The following SI variants were observed in gnomAD, a reference collection of about 807,000 sequenced individuals.
SI encodes sucrase-isomaltase, intestinal.
Under a neutral mutation model 253.3 loss-of-function variants are expected in SI, and 235 were observed. The ratio of observed to expected loss-of-function variants is 0.93; its 90% CI spans 0.83 to 1.03. SI has a LOEUF of 1.03. Ranked by LOEUF, SI falls within the 50% of genes least tolerant of loss-of-function variation. The pLI is 0.00. For synonymous variants in SI, 819 were observed against 712.0 expected (o/e 1.15, Z -2.39); for missense variants, 2,442 against 2,211.1 (o/e 1.10, Z -2.09).
chr3:164,987,336 G>T, intron 44 of SI, 110 bp from the exon 45 acceptor site: 1 of 844,854 alleles, frequency 1.2e-6, no homozygotes, highest in Non-Finnish European at 2.0e-6. Context: ...TAAGGAGTGT[G>T]CAAACTGACT....
intron 43 of SI, 152 bp from the exon 44 acceptor site, chr3:164,991,629 T>C (rs968927732): frequency 8.7e-6 from 7 of 800,692 alleles, no homozygotes; most frequent in South Asian, 6.6e-5. Context: ...TTTGTTTCAC[T>C]ATAGTAACCA....
chr3:165,075,182 C>T (rs1312327897), intron 2 of SI, among the ~76,000 whole-genome samples: 7 of 151,836 alleles, frequency 4.6e-5, no homozygotes, highest in African/African-American at 1.7e-4. Flanking sequence ...AACATTCCAG[C>T]AATGAGATAT....
chr3:165,086,660 C>A, the SI span, among the ~76,000 whole-genome samples: 1 of 152,162 alleles, frequency 6.6e-6, no homozygotes, highest in Non-Finnish European at 1.5e-5. Flanking sequence ...TCCTTGAACC[C>A]ATTTGGCAGT....
At position 165,017,760 on chromosome 3, in the gene SI, C is replaced by T; in HGVS notation, c.3633+1G>A. On this transcript the variant is annotated splice_donor_variant, in intron 30 of 47. Transcript: ENST00000264382. LOFTEE classifies it high-confidence loss of function. ...TTTTTAAAAGAAATATGCAATCATA[C>T]TTCATGGTATTGCTTTGTTGCAACT... The T allele has an allele frequency of 1.9e-6, 3 of 1,608,260 alleles. No individual in the cohort carries two copies. The highest frequency in any genetic ancestry group is 2.6e-6 in the Non-Finnish European group (3 of 1,175,410).
At chr3:165,032,191 CGTGCA>C (rs1474349960) in intron 24 of SI, among the ~76,000 whole-genome samples, 1 of 150,982 alleles carries the variant, frequency 6.6e-6, no homozygotes, top group East Asian at 1.9e-4. Context: ...TTTTCTTTTG[CGTGCA>C]ATAGGTAGGT....
In SI at chr3:165,016,006, A is replaced by G; in HGVS notation, c.3834T>C (p.Leu1278=). 1 of 1,611,702 alleles carries G rather than the reference A, an allele frequency of 6.2e-7. No homozygotes were observed. Among genetic ancestry groups the G allele is most frequent in the Non-Finnish European group, 8.5e-7 (1 of 1,177,970 alleles). The part of the protein sequence containing the change: ...DFTIGEAFQD[L]PQFVDKIRGE... ...CTCTTATTTTGTCAACAAACTGAGG[A>G]AGGTCCTGGAATGCTTCACCAATTG... Residue 1278 remains leucine, a synonymous_variant, in exon 32 of 48, where the codon CTT becomes CTC. Coordinates refer to ENST00000264382, the MANE Select transcript of SI (RefSeq NM_001041.4).
At chr3:165,010,738 T>C (rs1235753914) in intron 34 of SI, among the ~76,000 whole-genome samples, 12 of 152,146 alleles carry the variant, frequency 7.9e-5, no homozygotes. Flanking sequence ...ATCCAGAAAA[T>C]CAATCAGGTA....
chr3:164,984,934 T>C (rs1717366052), intron 45 of SI, among the ~76,000 whole-genome samples: 2 of 152,172 alleles, frequency 1.3e-5, no homozygotes, highest in Admixed American at 6.6e-5. Context: ...GTTTTCGCTG[T>C]TAACTCAGGA....
chr3:165,064,278 T>C (rs1001535347), intron 7 of SI, among the ~76,000 whole-genome samples: 7 of 151,876 alleles, frequency 4.6e-5, no homozygotes, highest in Non-Finnish European at 1.0e-4. Context: ...GGAAATACAC[T>C]GATATGATGA....
intron 13 of SI, among the ~76,000 whole-genome samples, chr3:165,050,522 T>C (rs550009305): frequency 2.0e-5 from 3 of 152,210 alleles, no homozygotes; most frequent in Non-Finnish European, 4.4e-5. Context: ...TAGGCCCCAA[T>C]CTTGTCCCAC....
In SI at chr3:165,049,179, G is replaced by C. The variant is rs1576909192; in HGVS notation, c.1663C>G (p.Gln555Glu). The C allele has an allele frequency of 1.2e-6, 2 of 1,612,454 alleles. No individual in the cohort carries two copies. Among genetic ancestry groups the C allele is most frequent in the Non-Finnish European group, 1.7e-6 (2 of 1,178,774 alleles). ...CCATAGAGGCTATGAACATCATACTGTTTACCCCAGTTCTGCACAGCATCC... is the reference window on the plus strand; with the variant it reads ...CCATAGAGGCTATGAACATCATACTCTTTACCCCAGTTCTGCACAGCATCC... ...CMDAVQNWGK[Q>E]YDVHSLYGYS... is the part of the protein sequence containing the mutation. The change falls in exon 15 of 48, where the codon CAG (glutamine) becomes GAG (glutamate). Residue 555 changes from glutamine (Q) to glutamate (E), a missense_variant. Gln to Glu is a conservative substitution (Grantham distance 29). Transcript: ENST00000264382.
intron 9 of SI, among the ~76,000 whole-genome samples, chr3:165,061,617 T>C (rs1713988971): frequency 6.6e-6 from 1 of 151,998 alleles, no homozygotes; most frequent in African/African-American, 2.4e-5. Context: ...AAAATAATAT[T>C]TTTAAAATAG....
rs752077554 is a variant in SI, at chr3:165,041,112, A to G, written c.2005-18T>C. The stretch of plus-strand genomic sequence containing the variant: ...TCCTGATGCTGTGAGATAGAAAGAG[A>G]AATTAAAATAAGAAAGCTAAAGTAT... On this transcript the variant is annotated intron_variant, in intron 17 of 47. Transcript: ENST00000264382. 6.2e-7 allele frequency: 1 copy of G among 1,610,772 alleles called. No homozygotes were observed. Among genetic ancestry groups the G allele is most frequent in the Non-Finnish European group, 8.5e-7 (1 of 1,177,660 alleles).
At chr3:165,007,840 G>T (rs572593952) in intron 36 of SI, 71 bp downstream of exon 36, 4 of 571,386 alleles carry the variant, frequency 7.0e-6, no homozygotes, top group Non-Finnish European at 1.2e-5. Flanking sequence ...ATATATATCA[G>T]TTTATATTAT....
the SI span, among the ~76,000 whole-genome samples, chr3:165,087,636 C>T: frequency 6.6e-6 from 1 of 152,098 alleles, no homozygotes; most frequent in Admixed American, 6.6e-5. Context: ...CAACAAAGGC[C>T]TAGCAAAGGC....
chr3:165,046,275 G>A (rs146081738), intron 16 of SI, among the ~76,000 whole-genome samples: 97 of 152,150 alleles, frequency 6.4e-4, no homozygotes, highest in African/African-American at 2.3e-3. Flanking sequence ...TTGTTATGTA[G>A]TGTCTCTCTT....
chr3:165,020,390 G>T (rs75952886), intron 27 of SI, among the ~76,000 whole-genome samples: 1,765 of 151,698 alleles, frequency 0.012, 16 homozygotes, highest in Non-Finnish European at 0.019. Flanking sequence ...GAGAGGAAGC[G>T]TAAGTATTAC....
In SI at chr3:164,992,388, A is replaced by T; in HGVS notation, c.4851T>A (p.Asp1617Glu). 6.2e-7 allele frequency: 1 copy of T among 1,608,898 alleles called. No individual in the cohort carries two copies. The highest frequency in any genetic ancestry group is 8.5e-7 in the Non-Finnish European group (1 of 1,176,964). Residue 1617 changes from aspartate to glutamate, a missense_variant, in exon 42 of 48, where the codon GAT becomes GAA. Coordinates refer to ENST00000264382, the MANE Select transcript of SI (RefSeq NM_001041.4). ...VIRPLLHEFF[D>E]EKPTWDIFKQ... ...TGAATATATCCCAGGTTGGTTTTTC[A>T]TCAAAGAACCTCGACAAAATTATCA... is the stretch of plus-strand genomic sequence containing the variant.
chr3:165,005,637 A>C (rs1371430034), intron 37 of SI, among the ~76,000 whole-genome samples: 6 of 152,324 alleles, frequency 3.9e-5, no homozygotes, highest in Admixed American at 1.3e-4. Flanking sequence ...TACTACTTAA[A>C]ATTAAATAAC....
Sources: allele counts gnomAD v4.1 joint callset (sites outside exome capture counted in the v4.1 genomes callset), GRCh38; gene constraint gnomAD v4.1.1; transcripts MANE v1.5; gene names NCBI Gene and HGNC (gene_info 2026-07-23, HGNC 2026-07-21).